The following CAMK2G variants were observed in gnomAD, a reference collection of about 807,000 sequenced individuals.
The protein encoded by CAMK2G is calcium/calmodulin-dependent protein kinase type II subunit gamma.
In CAMK2G, 23 loss-of-function variants were observed where a neutral mutation model predicts 88.7. That is an observed-to-expected ratio of 0.26 (90% CI 0.19 to 0.37). The LOEUF is 0.37. Among genes scored for constraint, CAMK2G ranks in the 10% least tolerant of loss-of-function variants. The pLI is 1.00. For synonymous variants in CAMK2G, 263 were observed against 294.8 expected (o/e 0.89, Z 1.11); for missense variants, 476 against 780.8 (o/e 0.61, Z 4.65).
intron 19 of CAMK2G, chr10:73,818,806 C>T (rs560735148): frequency 3.9e-5 from 18 of 456,244 alleles, no homozygotes; most frequent in South Asian, 7.7e-5. Context: ...TGGGGCCCCA[C>T]GGGCGAAGAG....
intron 12 of CAMK2G, among the ~76,000 whole-genome samples, chr10:73,841,414 C>T (rs1565339995): frequency 1.3e-5 from 2 of 151,824 alleles, no homozygotes; most frequent in African/African-American, 2.4e-5. Context: ...TCTTCAGTCT[C>T]GACATTAATC....
chr10:73,861,339 G>A (rs1037075035), intron 2 of CAMK2G, among the ~76,000 whole-genome samples: 1 of 152,172 alleles, frequency 6.6e-6, no homozygotes, highest in Non-Finnish European at 1.5e-5. Flanking sequence ...GGGTTTCAGT[G>A]GTCCAGGGTG....
chr10:73,868,114 GA>G (rs1004469179), intron 2 of CAMK2G, among the ~76,000 whole-genome samples: 1 of 152,168 alleles, frequency 6.6e-6, no homozygotes, highest in Non-Finnish European at 1.5e-5. Flanking sequence ...AAGCTGTTCA[GA>G]GAGCAGCAAG....
chr10:73,850,842 A>G (rs2094561324), intron 5 of CAMK2G, among the ~76,000 whole-genome samples: 1 of 152,162 alleles, frequency 6.6e-6, no homozygotes, highest in African/African-American at 2.4e-5. Flanking sequence ...TTTAAGACTG[A>G]GCTATAGAGG....
chr10:73,853,076 G>A (rs774176781), intron 4 of CAMK2G, 116 bp downstream of exon 4: 31 of 947,882 alleles, frequency 3.3e-5, no homozygotes, highest in Non-Finnish European at 4.8e-5. Context: ...CTTTCCCTCG[G>A]ACAAAGGAGG....
intron 14 of CAMK2G, among the ~76,000 whole-genome samples, chr10:73,831,621 G>A (rs1159436408): frequency 4.1e-5 from 6 of 146,786 alleles, no homozygotes; most frequent in Non-Finnish European, 7.5e-5. Flanking sequence ...TGTAACCCCC[G>A]CACTTCAGGA....
At chr10:73,835,690 A>G (rs1409989328) in intron 14 of CAMK2G, among the ~76,000 whole-genome samples, 1 of 100,992 alleles carries the variant, frequency 9.9e-6, no homozygotes, top group African/African-American at 2.6e-5. Flanking sequence ...ATTCTGCCTG[A>G]TAAGACTGAT....
At chr10:73,853,608 G>A (rs1046314182) in intron 3 of CAMK2G, among the ~76,000 whole-genome samples, 1 of 152,218 alleles carries the variant, frequency 6.6e-6, no homozygotes, top group Non-Finnish European at 1.5e-5. Flanking sequence ...CAATGTTGAC[G>A]GCAGGGGACA....
intron 2 of CAMK2G, among the ~76,000 whole-genome samples, chr10:73,869,166 G>T (rs1203955040): frequency 6.6e-6 from 1 of 152,240 alleles, no homozygotes; most frequent in Non-Finnish European, 1.5e-5. Flanking sequence ...TGGAGCATGT[G>T]TTAAAAATGC....
At chr10:73,837,126 G>C in intron 14 of CAMK2G, 1 of 294,432 alleles carries the variant, frequency 3.4e-6, no homozygotes, top group Non-Finnish European at 6.5e-6. Context: ...GCTCTAAAAA[G>C]GAAAAAAAGA....
At chr10:73,867,555 G>C (rs1476273153) in intron 2 of CAMK2G, among the ~76,000 whole-genome samples, 1 of 152,182 alleles carries the variant, frequency 6.6e-6, no homozygotes, top group Non-Finnish European at 1.5e-5. Flanking sequence ...GGGAAAGAAA[G>C]GGAGGAGAAA....
chr10:73,854,512 C>T (rs779806665), intron 3 of CAMK2G, among the ~76,000 whole-genome samples: 14 of 152,186 alleles, frequency 9.2e-5, no homozygotes, highest in African/African-American at 2.7e-4. Context: ...AGGCCTCCCT[C>T]GGTTTGACCT....
At chr10:73,816,274 C>A (rs1318867306) in intron 21 of CAMK2G, 2 of 990,362 alleles carry the variant, frequency 2.0e-6, no homozygotes, top group African/African-American at 3.5e-5. Context: ...CAGGAAGATT[C>A]TAGCCACAAC....
At chr10:73,851,995 C>T (rs544127518) in intron 5 of CAMK2G, among the ~76,000 whole-genome samples, 97 of 152,280 alleles carry the variant, frequency 6.4e-4, no homozygotes, top group African/African-American at 2.3e-3. Flanking sequence ...GATCCAACTG[C>T]CTCAGCCTCC....
intron 4 of CAMK2G, 97 bp downstream of exon 4, chr10:73,853,095 G>T: frequency 8.8e-7 from 1 of 1,131,904 alleles, no homozygotes; most frequent in Non-Finnish European, 1.3e-6. Flanking sequence ...GGGGGCCCTG[G>T]GCGGAGGCTG....
rs2085860165 is a variant in CAMK2G, at chr10:73,817,085, T to C, written c.1472A>G (p.Glu491Gly). The C allele has an allele frequency of 6.2e-7, 1 of 1,613,052 alleles. No individual in the cohort carries two copies. The highest frequency in any genetic ancestry group is 2.2e-5 in the East Asian group (1 of 44,856). Residue 491 changes from glutamate (E) to glycine (G), a missense_variant, in exon 21 of 23, where the codon GAG becomes GGG. Physicochemically the swap from Glu to Gly is moderately conservative, Grantham distance 98 (BLOSUM62 -2). Around this residue, in one of 3 missense-constraint regions of CAMK2G, gnomAD observed 278 missense variants for 366.5 expected, o/e 0.76. Transcript: ENST00000423381. ...CACGAGGTTACCAAGGGCCTCAGGC[T>C]CAAAGGAAGTGAGGCCTGGATCACA... Reference protein sequence around the residue: ...KICDPGLTSFEPEALGNLVEG... With the variant: ...KICDPGLTSFGPEALGNLVEG...
At chr10:73,826,507 G>A (rs1326980358) in intron 15 of CAMK2G, among the ~76,000 whole-genome samples, 1 of 152,284 alleles carries the variant, frequency 6.6e-6, no homozygotes, top group East Asian at 1.9e-4. Context: ...AGGGGAAGAT[G>A]GAAGAAAGGA....
At chr10:73,817,904 CCT>C (rs575955971) in intron 19 of CAMK2G, 38 of 293,524 alleles carry the variant, frequency 1.3e-4, no homozygotes, top group Middle Eastern at 2.2e-3. Flanking sequence ...GTATGAGCAG[CCT>C]CTCTCACAAG....
chr10:73,819,458 G>T, intron 19 of CAMK2G, 74 bp downstream of exon 19: 1 of 1,032,978 alleles, frequency 9.7e-7, no homozygotes, highest in Non-Finnish European at 1.5e-6. Flanking sequence ...ACTGACAGCT[G>T]TGGTGGGGGT....
Sources: allele counts gnomAD v4.1 joint callset (sites outside exome capture counted in the v4.1 genomes callset), GRCh38; gene constraint gnomAD v4.1.1; regional missense constraint gnomAD v4.1.1; transcripts MANE v1.5; gene names NCBI Gene and HGNC (gene_info 2026-07-23, HGNC 2026-07-21).